Variants in FPR3 observed in about 807,000 individuals in gnomAD.
FPR3 encodes N-formyl peptide receptor 3.
For missense variants in FPR3, 346 were observed against 443.2 expected, an observed-to-expected ratio of 0.78 and a Z score of 1.97; for synonymous variants, 135 against 163.6, an observed-to-expected ratio of 0.83 and a Z score of 1.34.
At chr19:51,814,011 G>A (rs2084116563) in intron 1 of FPR3, among the ~76,000 whole-genome samples, 1 of 152,166 alleles carries the variant, frequency 6.6e-6, no homozygotes, top group African/African-American at 2.4e-5. Flanking sequence ...TGAAGCAAAG[G>A]GCTTAAATGA....
rs930439577 is a variant in FPR3 at position 51,821,365 on chromosome 19, G to A, written c.-10-2374G>A. 4.6e-5 allele frequency among the ~76,000 whole-genome samples: 7 copies of A among 152,238 alleles called. No individual in the cohort carries two copies. The South Asian group carries it at 1.2e-3, about 27-fold the overall frequency. On this transcript the variant is annotated intron_variant, in intron 1 of 1. Transcript: ENST00000339223. Reference sequence around the variant, plus strand: ...TGCCTCCCACGGGACCTTTGACAATGTCTATAGACACTTTCAGTTGTCACT... The same window carrying A: ...TGCCTCCCACGGGACCTTTGACAATATCTATAGACACTTTCAGTTGTCACT...
intron 1 of FPR3, among the ~76,000 whole-genome samples, chr19:51,802,452 GTGGA>G (rs2122415628): frequency 6.6e-6 from 1 of 152,298 alleles, no homozygotes; most frequent in Non-Finnish European, 1.5e-5. Context: ...TCAAGGATGA[GTGGA>G]TGAAGTTTTT....
At chr19:51,815,357 C>T (rs1195635271) in intron 1 of FPR3, among the ~76,000 whole-genome samples, 3 of 151,946 alleles carry the variant, frequency 2.0e-5, no homozygotes, top group East Asian at 1.9e-4. Flanking sequence ...GTCAGGAATT[C>T]GAGACCAGCC....
chr19:51,795,811 C>G (rs1397163278), intron 1 of FPR3, among the ~76,000 whole-genome samples: 1 of 151,978 alleles, frequency 6.6e-6, no homozygotes, highest in African/African-American at 2.4e-5. Flanking sequence ...ATGTGACTGG[C>G]CAATTCTTTA....
intron 1 of FPR3, among the ~76,000 whole-genome samples, chr19:51,801,210 GGCCCTA>G (rs2084025088): frequency 6.6e-6 from 1 of 151,994 alleles, no homozygotes; most frequent in African/African-American, 2.4e-5. Context: ...ACATAATGCT[GGCCCTA>G]GATTATTTAT....
At chr19:51,814,994 G>A (rs1426387220) in intron 1 of FPR3, among the ~76,000 whole-genome samples, 4 of 150,388 alleles carry the variant, frequency 2.7e-5, no homozygotes, top group Non-Finnish European at 5.9e-5. Flanking sequence ...ATTTTTAGTA[G>A]AGGCGGGGTT....
intron 1 of FPR3, among the ~76,000 whole-genome samples, chr19:51,817,308 CAAA>C (rs1309917485): frequency 1.3e-5 from 2 of 151,866 alleles, no homozygotes; most frequent in Admixed American, 1.3e-4. Context: ...CAAACAAAAC[CAAA>C]ATAGAGTCAC....
chr19:51,815,224 T>C (rs921814945), intron 1 of FPR3, among the ~76,000 whole-genome samples: 8 of 152,030 alleles, frequency 5.3e-5, no homozygotes, highest in Admixed American at 3.9e-4. Flanking sequence ...GCCCCACCCA[T>C]TGACTTTCAG....
chr19:51,798,564 C>T (rs747251751), intron 1 of FPR3, among the ~76,000 whole-genome samples: 8 of 152,184 alleles, frequency 5.3e-5, no homozygotes, highest in South Asian at 4.1e-4. Context: ...TTTGGAAGAA[C>T]GCCTTTCAAT....
intron 1 of FPR3, among the ~76,000 whole-genome samples, chr19:51,809,233 A>T (rs996054849): frequency 1.3e-4 from 20 of 152,230 alleles, no homozygotes; most frequent in Non-Finnish European, 2.6e-4. Flanking sequence ...AAAGTACATG[A>T]CTGTCCATCT....
chr19:51,802,692 GT>G (rs992387386), intron 1 of FPR3, among the ~76,000 whole-genome samples: 7 of 152,132 alleles, frequency 4.6e-5, no homozygotes, highest in Non-Finnish European at 1.0e-4. Flanking sequence ...TAAGTGTAAT[GT>G]TTGCTGTCAC....
chr19:51,807,560 C>A (rs2084068608), intron 1 of FPR3, among the ~76,000 whole-genome samples: 1 of 152,140 alleles, frequency 6.6e-6, no homozygotes, highest in Non-Finnish European at 1.5e-5. Context: ...TGACCTGAAA[C>A]CCCAGAGATC....
At chr19:51,818,208 A>G (rs1305089758) in intron 1 of FPR3, among the ~76,000 whole-genome samples, 1 of 152,216 alleles carries the variant, frequency 6.6e-6, no homozygotes, top group East Asian at 1.9e-4. Context: ...CTTAGTATGA[A>G]AAAAGAACGC....
intron 1 of FPR3, among the ~76,000 whole-genome samples, chr19:51,807,368 G>A (rs2084066852): frequency 6.6e-6 from 1 of 152,184 alleles, no homozygotes; most frequent in African/African-American, 2.4e-5. Context: ...CCTTTTGGTG[G>A]CAGCGCAGTG....
chr19:51,801,858 GCTAA>G lies in FPR3; in HGVS notation c.-11+6532_-11+6535del, dbSNP rs572417447. Among the ~76,000 whole-genome samples, 11 of 152,298 alleles carry G rather than the reference GCTAA, an allele frequency of 7.2e-5. No individual in the cohort carries two copies. The South Asian group carries it at 1.9e-3, about 26-fold the overall frequency. On this transcript the variant is annotated intron_variant, in intron 1 of 1. Coordinates refer to ENST00000339223, the MANE Select transcript of FPR3 (RefSeq NM_002030.5). ...TACTCTACTCCCATAATCTTGAGAA[GCTAA>G]CTAAAATTTTGAAAAATGAGTAGAC... is the stretch of plus-strand genomic sequence containing the variant.
At chr19:51,812,758 C>T (rs1366706006) in intron 1 of FPR3, among the ~76,000 whole-genome samples, 1 of 152,160 alleles carries the variant, frequency 6.6e-6, no homozygotes, top group Non-Finnish European at 1.5e-5. Flanking sequence ...ACATTACAGT[C>T]ATTTAATTCG....
intron 1 of FPR3, among the ~76,000 whole-genome samples, chr19:51,800,724 G>A (rs1199776120): frequency 6.6e-6 from 1 of 152,168 alleles, no homozygotes; most frequent in East Asian, 1.9e-4. Flanking sequence ...ACAAAGTGGT[G>A]CAGTTTGGAC....
At chr19:51,807,343 G>A (rs1251165128) in intron 1 of FPR3, among the ~76,000 whole-genome samples, 1 of 152,180 alleles carries the variant, frequency 6.6e-6, no homozygotes, top group African/African-American at 2.4e-5. Flanking sequence ...GCCAGGGAGT[G>A]AGGCCCTCCA....
rs200656360 is a variant in FPR3 at position 51,816,064 on chromosome 19, TAAA to T, written c.-10-7661_-10-7659del. ...ACTGGGGAAGAGAGTGAGATCCTATTAAAAAAAAAAAAAAAACCCTTGAGAAAT... is the reference window on the plus strand; with the variant it reads ...ACTGGGGAAGAGAGTGAGATCCTATTAAAAAAAAAAAAACCCTTGAGAAAT... On this transcript the variant is annotated intron_variant, in intron 1 of 1. Transcript: ENST00000339223. 8.6e-5 allele frequency among the ~76,000 whole-genome samples: 12 copies of T among 139,152 alleles called. 1 individual carries two copies. Among genetic ancestry groups the T allele is most frequent in the East Asian group, 2.1e-4 (1 of 4,742 alleles). The allele number at this position is 139,152 out of a possible 152,430, so 91.3% of individuals were successfully genotyped here. A position where few individuals can be genotyped will look rare whatever the true frequency, so the allele number is the denominator to read the frequency against.
Sources: gnomAD v4.1 joint callset for allele counts (sites outside exome capture counted in the v4.1 genomes callset) on GRCh38, gnomAD v4.1.1 for gene constraint, MANE v1.5 for transcripts, NCBI Gene and HGNC (gene_info 2026-07-23, HGNC 2026-07-21) for gene names.